The following FAM168A variants were observed in gnomAD, a reference collection of about 807,000 sequenced individuals.
FAM168A encodes family with sequence similarity 168 member A.
In FAM168A, 3 loss-of-function variants were observed where a neutral mutation model predicts 28.5. That is an observed-to-expected ratio of 0.11 (90% CI 0.05 to 0.27). The LOEUF is 0.27. FAM168A is among the 10% of genes least tolerant of loss of function. FAM168A has a pLI of 1.00. For missense variants in FAM168A, 222 were observed against 311.5 expected (o/e 0.71, Z 2.16); for synonymous variants, 122 against 124.2 (o/e 0.98, Z 0.12).
intron 1 of FAM168A, among the ~76,000 whole-genome samples, chr11:73,509,601 C>A (rs190140100): frequency 2.0e-5 from 3 of 152,078 alleles, no homozygotes; most frequent in Non-Finnish European, 4.4e-5. Context: ...AGTTCTATAC[C>A]CAACTGCTGT....
Position 73,401,925 on chromosome 11 carries a change from A to C in FAM168A, c.*4838T>G, listed in dbSNP as rs1423782241. 1 of 152,222 alleles carries C rather than the reference A, an allele frequency of 6.6e-6. No homozygotes were observed. The highest frequency in any genetic ancestry group is 2.4e-5 in the African/African-American group (1 of 41,450). 9.4% of individuals were successfully genotyped at this position (152,222 alleles called of 1,614,324 possible). Reference sequence around the variant, plus strand: ...TGGGTCCTGGAACCATATAATGCCTAATTTCAGAAACGAGGAGTTTTCTAG... The same window carrying C: ...TGGGTCCTGGAACCATATAATGCCTCATTTCAGAAACGAGGAGTTTTCTAG... On this transcript the variant is annotated 3_prime_UTR_variant, in exon 8 of 8. Coordinates refer to ENST00000356467, the MANE Select transcript of FAM168A (RefSeq NM_015159.3).
At chr11:73,425,199 T>C (rs1000325188) in intron 3 of FAM168A, among the ~76,000 whole-genome samples, 11 of 152,132 alleles carry the variant, frequency 7.2e-5, no homozygotes, top group Admixed American at 4.6e-4. Flanking sequence ...ACCTTTACCC[T>C]AGAGAGGGTG....
intron 2 of FAM168A, among the ~76,000 whole-genome samples, chr11:73,446,531 T>G (rs1233744873): frequency 6.6e-6 from 1 of 152,212 alleles, no homozygotes; most frequent in Non-Finnish European, 1.5e-5. Context: ...CTGGCCTCAG[T>G]ACCCCCAAGA....
intron 1 of FAM168A, among the ~76,000 whole-genome samples, chr11:73,536,013 AT>A (rs1943575633): frequency 6.6e-6 from 1 of 151,730 alleles, no homozygotes; most frequent in Non-Finnish European, 1.5e-5. Context: ...CGCCTAGCTA[AT>A]TTTTCTATTT....
intron 1 of FAM168A, among the ~76,000 whole-genome samples, chr11:73,550,625 A>T (rs1164180503): frequency 6.6e-6 from 1 of 152,308 alleles, no homozygotes; most frequent in East Asian, 1.9e-4. Flanking sequence ...ACTGCACTCC[A>T]GCCTGGGTGA....
intron 4 of FAM168A, among the ~76,000 whole-genome samples, chr11:73,418,164 T>A (rs1198687292): frequency 6.6e-6 from 1 of 152,194 alleles, no homozygotes; most frequent in South Asian, 2.1e-4. Flanking sequence ...GAAAATGACA[T>A]TGGATGTTGA....
At chr11:73,511,713 A>G (rs560817659) in intron 1 of FAM168A, among the ~76,000 whole-genome samples, 2 of 152,264 alleles carry the variant, frequency 1.3e-5, no homozygotes, top group South Asian at 4.1e-4. Context: ...AAGCTCAACT[A>G]TTTAATATCT....
intron 2 of FAM168A, among the ~76,000 whole-genome samples, chr11:73,456,172 A>T (rs1410008885): frequency 2.0e-5 from 3 of 152,188 alleles, no homozygotes; most frequent in Non-Finnish European, 1.5e-5. Context: ...TTACCATAGA[A>T]AAGATGTGAT....
intron 1 of FAM168A, chr11:73,580,479 C>T: frequency 2.6e-5 from 16 of 621,162 alleles, no homozygotes; most frequent in South Asian, 2.0e-4. Context: ...GATGCCAAAA[C>T]AGACCAGGGA....
chr11:73,544,714 T>C (rs1307776873), intron 1 of FAM168A, among the ~76,000 whole-genome samples: 1 of 118,900 alleles, frequency 8.4e-6, no homozygotes, highest in East Asian at 2.2e-4. Flanking sequence ...TATATATAAT[T>C]ATATATTTTA....
chr11:73,572,623 A>G (rs1232562413), intron 1 of FAM168A, among the ~76,000 whole-genome samples: 4 of 150,094 alleles, frequency 2.7e-5, no homozygotes, highest in Admixed American at 2.0e-4. Flanking sequence ...ACTCAGGGTT[A>G]AATGGATTAA....
At chr11:73,544,093 C>T (rs1282195832) in intron 1 of FAM168A, among the ~76,000 whole-genome samples, 1 of 152,130 alleles carries the variant, frequency 6.6e-6, no homozygotes, top group East Asian at 1.9e-4. Flanking sequence ...GATCCCACCA[C>T]TGCAATTCAG....
At chr11:73,536,075 G>A (rs374156930) in intron 1 of FAM168A, among the ~76,000 whole-genome samples, 4 of 151,956 alleles carry the variant, frequency 2.6e-5, no homozygotes, top group Admixed American at 6.6e-5. Context: ...TCAAATTCTC[G>A]TCTCAAGCAA....
intron 1 of FAM168A, among the ~76,000 whole-genome samples, chr11:73,504,127 T>C (rs1855063285): frequency 6.6e-6 from 1 of 152,078 alleles, no homozygotes; most frequent in Non-Finnish European, 1.5e-5. Context: ...GCAAAAGCAA[T>C]TGCAACAAAA....
chr11:73,583,864 A>G (rs1456785949), intron 1 of FAM168A, among the ~76,000 whole-genome samples: 2 of 152,204 alleles, frequency 1.3e-5, no homozygotes, highest in Non-Finnish European at 2.9e-5. Flanking sequence ...CTCAGATACC[A>G]TATTGGGAAA....
intron 2 of FAM168A, among the ~76,000 whole-genome samples, chr11:73,464,907 G>A (rs1867710799): frequency 6.6e-6 from 1 of 150,848 alleles, no homozygotes; most frequent in Admixed American, 6.6e-5. Flanking sequence ...GGCCCAGAAA[G>A]CTTGATAACT....
intron 2 of FAM168A, among the ~76,000 whole-genome samples, chr11:73,439,758 C>T (rs1005778177): frequency 1.3e-5 from 2 of 151,852 alleles, no homozygotes; most frequent in Non-Finnish European, 2.9e-5. Flanking sequence ...GTACTCAACA[C>T]TTTAGAGGTT....
intron 2 of FAM168A, among the ~76,000 whole-genome samples, chr11:73,462,790 G>T (rs1867669967): frequency 6.6e-6 from 1 of 151,714 alleles, no homozygotes; most frequent in African/African-American, 2.4e-5. Context: ...CTTGAACCTG[G>T]GAGGCGGAGG....
intron 1 of FAM168A, among the ~76,000 whole-genome samples, chr11:73,571,484 G>C (rs907055200): frequency 4.6e-5 from 7 of 152,030 alleles, no homozygotes; most frequent in African/African-American, 1.4e-4. Flanking sequence ...CTAACCGCGA[G>C]TGATCCGCCA....
Sources: gnomAD v4.1 joint callset for allele counts (sites outside exome capture counted in the v4.1 genomes callset) on GRCh38, gnomAD v4.1.1 for gene constraint, MANE v1.5 for transcripts, NCBI Gene and HGNC (gene_info 2026-07-23, HGNC 2026-07-21) for gene names.